Variants in RTF2 observed in about 807,000 individuals in gnomAD.
RTF2 encodes UPF0549 protein C20orf43.
In RTF2, 18 loss-of-function variants were observed where a neutral mutation model predicts 38.0. That is an observed-to-expected ratio of 0.47 (90% confidence interval 0.33 to 0.70). The LOEUF is 0.70. Ranked by LOEUF, RTF2 falls within the 30% of genes least tolerant of loss-of-function variation. The probability of loss-of-function intolerance (pLI) is 0.02; values close to 1 mark genes in which losing one functional copy is unlikely to be tolerated. For missense variants in RTF2, 311 were observed against 379.6 expected, an observed-to-expected ratio of 0.82 and a Z score of 1.50; for synonymous variants, 126 against 137.1, an observed-to-expected ratio of 0.92 and a Z score of 0.57.
chr20:56,506,498 TAGCATATTGCTCCTAATTTGAC>T (rs1984281538), intron 5 of RTF2, among the ~76,000 whole-genome samples: 1 of 152,162 alleles, frequency 6.6e-6, no homozygotes, highest in African/African-American at 2.4e-5. Context: ...CTAGATACAT[TAGCATATTGCTCCTAATTTGAC>T]CACTGTTCCC....
At chr20:56,507,085 G>A (rs1984327660) in intron 5 of RTF2, among the ~76,000 whole-genome samples, 1 of 152,152 alleles carries the variant, frequency 6.6e-6, no homozygotes, top group South Asian at 2.1e-4. Context: ...AGTTTTAAAT[G>A]GATGTATAAT....
At position 56,518,458 on chromosome 20, in the gene RTF2, G is replaced by A. The variant is rs2146388358; in HGVS notation, c.*193G>A. ...TCGGTTCCAGGGGGGACATGGGAGG[G>A]GCTGCACAGTGGCCCGAGGTCATGC... On this transcript the variant is annotated 3_prime_UTR_variant, in exon 9 of 9. Transcript: ENST00000357348. 1.9e-6 allele frequency: 1 copy of A among 533,514 alleles called. No homozygotes were observed. Among genetic ancestry groups the A allele is most frequent in the South Asian group, 3.2e-5 (1 of 31,496 alleles). 33.0% of individuals were successfully genotyped at this position (533,514 alleles called of 1,614,324 possible).
Position 56,476,249 on chromosome 20 carries a change from TA to T in RTF2, c.259-735del, listed in dbSNP as rs1312343852. Among the ~76,000 whole-genome samples, 4 of 152,278 alleles carry T rather than the reference TA, an allele frequency of 2.6e-5. No homozygotes were observed. In the East Asian group the frequency reaches 7.7e-4, roughly 29 times the overall value. On this transcript the variant is annotated intron_variant, in intron 3 of 8. Coordinates refer to ENST00000357348, the MANE Select transcript of RTF2 (RefSeq NM_016407.5). The stretch of plus-strand genomic sequence containing the variant: ...ACTGTCTATTCAATGATTTTATATA[TA>T]TATTTTTTTGTTTTTGCTTTTTTCA...
chr20:56,479,991 G>A (rs1456504470), intron 4 of RTF2, among the ~76,000 whole-genome samples: 1 of 152,070 alleles, frequency 6.6e-6, no homozygotes, highest in Admixed American at 6.5e-5. Flanking sequence ...AACGGTAAAT[G>A]AACATTGGCC....
chr20:56,501,188 CT>C, intron 5 of RTF2, among the ~76,000 whole-genome samples: 1 of 147,258 alleles, frequency 6.8e-6, no homozygotes. Flanking sequence ...GAGGAATAAA[CT>C]TTTCATGGCC....
rs564024292 is a variant in RTF2 at position 56,512,494 on chromosome 20, GCTCA to G, written c.478-814_478-811del. Among the ~76,000 whole-genome samples, 439 of 152,248 alleles carry G rather than the reference GCTCA, an allele frequency of 2.9e-3. 5 individuals carry two copies. The highest frequency in any genetic ancestry group is 8.5e-3 in the African/African-American group (351 of 41,536). ...GTCACAGGGAGCCTCTGCAGAGGTG[GCTCA>G]CTCACTGACAGCTCTGTGAGTGTGG... On this transcript the variant is annotated intron_variant, in intron 5 of 8. Coordinates refer to ENST00000357348, the MANE Select transcript of RTF2 (RefSeq NM_016407.5).
chr20:56,496,776 C>A (rs1316378258), intron 5 of RTF2: 5 of 1,551,980 alleles, frequency 3.2e-6, no homozygotes, highest in Non-Finnish European at 4.4e-6. Flanking sequence ...GTAAGCACTT[C>A]CAAAATAAAT....
At chr20:56,515,219 TGCCAAAA>T (rs1226096336) in intron 6 of RTF2, among the ~76,000 whole-genome samples, 1 of 152,144 alleles carries the variant, frequency 6.6e-6, no homozygotes, top group Non-Finnish European at 1.5e-5. Flanking sequence ...TAAGGACAGT[TGCCAAAA>T]GCCATCTCCC....
rs542603168 is a variant in RTF2, at chr20:56,518,429, C to T, written c.*164C>T. 1.2e-3 allele frequency: 753 copies of T among 627,660 alleles called. No homozygotes were observed. The highest frequency in any genetic ancestry group is 1.7e-3 in the Non-Finnish European group (640 of 387,430). 38.9% of individuals were successfully genotyped at this position (627,660 alleles called of 1,614,324 possible). On this transcript the variant is annotated 3_prime_UTR_variant, in exon 9 of 9. Transcript: ENST00000357348. ...TGGTGTGGCCACTCTTGATGTGAGGCGTGTCGGTTCCAGGGGGGACATGGG... is the reference window on the plus strand; with the variant it reads ...TGGTGTGGCCACTCTTGATGTGAGGTGTGTCGGTTCCAGGGGGGACATGGG...
At chr20:56,473,254 G>C in intron 1 of RTF2, 47 bp from the exon 2 acceptor site, 1 of 1,303,238 alleles carries the variant, frequency 7.7e-7, no homozygotes, top group Non-Finnish European at 1.1e-6. Flanking sequence ...TGTGAACCAT[G>C]TGTCTTTCAG....
At chr20:56,508,099 CA>C (rs1257511618) in intron 5 of RTF2, among the ~76,000 whole-genome samples, 1 of 152,048 alleles carries the variant, frequency 6.6e-6, no homozygotes, top group Admixed American at 6.5e-5. Context: ...ATTTGTGGGT[CA>C]AAAAGGTATC....
In RTF2 at chr20:56,519,410, C is replaced by G. The variant is rs1466254842; in HGVS notation, c.*1145C>G. 6.6e-6 allele frequency: 1 copy of G among 152,318 alleles called. No individual in the cohort carries two copies. Among genetic ancestry groups the G allele is most frequent in the East Asian group, 1.9e-4 (1 of 5,190 alleles). The allele number at this position is 152,318 out of a possible 1,614,324, so 9.4% of individuals were successfully genotyped here. A position where few individuals can be genotyped will look rare whatever the true frequency, so the allele number is the denominator to read the frequency against. ...AGGTTTGGCCCCAAGGATATTTTGA[C>G]ATTGTGAGTATAGAGCATTTTAATA... On this transcript the variant is annotated 3_prime_UTR_variant, in exon 9 of 9. Transcript: ENST00000357348.
intron 5 of RTF2, chr20:56,497,764 C>T (rs980282690): frequency 4.7e-5 from 18 of 382,562 alleles, no homozygotes; most frequent in African/African-American, 3.6e-4. Context: ...ATGAAACTGT[C>T]ATTGCAATCA....
At chr20:56,484,242 A>G in intron 5 of RTF2, 53 bp downstream of exon 5, 1 of 1,424,998 alleles carries the variant, frequency 7.0e-7, no homozygotes, top group Non-Finnish European at 9.9e-7. Context: ...AGGAAATCAG[A>G]TGGTTTAGGG....
In RTF2 at chr20:56,477,026, A is replaced by T. The variant is rs1422379623; in HGVS notation, c.300A>T (p.Glu100Asp). 6.2e-7 allele frequency: 1 copy of T among 1,613,992 alleles called. No homozygotes were observed. The highest frequency in any genetic ancestry group is 8.5e-7 in the Non-Finnish European group (1 of 1,179,980). Reference protein sequence around the residue: ...ELKLSDNPAWEGDKGNTKGDK... With the variant: ...ELKLSDNPAWDGDKGNTKGDK... ...AGCTTTCTGATAATCCTGCCTGGGA[A>T]GGGGATAAAGGAAACACTAAAGGTG... Residue 100 changes from glutamate (E) to aspartate (D), a missense_variant, in exon 4 of 9, where the codon GAA becomes GAT. Physicochemically the swap from Glu to Asp is conservative, Grantham distance 45 (BLOSUM62 2). Transcript: ENST00000357348.
intron 5 of RTF2, among the ~76,000 whole-genome samples, chr20:56,509,611 CAAA>C (rs567362731): frequency 4.7e-5 from 5 of 106,016 alleles, no homozygotes; most frequent in Non-Finnish European, 3.7e-5. Context: ...GATCCCATCT[CAAA>C]AAAAAAAAAA....
intron 5 of RTF2, among the ~76,000 whole-genome samples, chr20:56,494,756 G>C (rs1220344349): frequency 6.6e-6 from 1 of 152,164 alleles, no homozygotes; most frequent in Non-Finnish European, 1.5e-5. Context: ...TCTCCAATCT[G>C]TTTATTTTAG....
In RTF2 at chr20:56,484,101, A is replaced by T; in HGVS notation, c.399-10A>T. Reference sequence around the variant, plus strand: ...AATACAGTCCTTCCCCCACTGGGTTATTTCTCCAGGTTCTGCTTCCTTCGG... The same window carrying T: ...AATACAGTCCTTCCCCCACTGGGTTTTTTCTCCAGGTTCTGCTTCCTTCGG... On this transcript the variant is annotated splice_polypyrimidine_tract_variant and intron_variant, in intron 4 of 8. Coordinates refer to ENST00000357348, the MANE Select transcript of RTF2 (RefSeq NM_016407.5). The T allele has an allele frequency of 6.2e-7, 1 of 1,613,518 alleles. No homozygotes were observed. Among genetic ancestry groups the T allele is most frequent in the South Asian group, 1.1e-5 (1 of 91,044 alleles).
chr20:56,516,810 A>C, intron 6 of RTF2, 125 bp from the exon 7 acceptor site: 1 of 801,754 alleles, frequency 1.2e-6, no homozygotes, highest in African/African-American at 1.7e-5. Context: ...CTTCAGAGTG[A>C]CTGTCTGTCT....
Sources: allele counts gnomAD v4.1 joint callset (sites outside exome capture counted in the v4.1 genomes callset), GRCh38; gene constraint gnomAD v4.1.1; transcripts MANE v1.5; gene names NCBI Gene and HGNC (gene_info 2026-07-23, HGNC 2026-07-21).